The following UBE2E1 variants were observed in gnomAD, a reference collection of about 807,000 sequenced individuals.
UBE2E1 encodes the protein ubiquitin-conjugating enzyme E2 E1.
In UBE2E1, 6 loss-of-function variants were observed where a neutral mutation model predicts 21.4. That is an observed-to-expected ratio of 0.28 (90% CI 0.15 to 0.55). The LOEUF (loss-of-function observed/expected upper bound fraction) is 0.55. UBE2E1 is among the 20% of genes least tolerant of loss of function. The pLI is 0.93. For missense variants in UBE2E1, 142 were observed against 236.5 expected (o/e 0.60, Z 2.62); for synonymous variants, 87 against 82.7 (o/e 1.05, Z -0.28).
chr3:23,824,829 A>G (rs895002058), intron 3 of UBE2E1, among the ~76,000 whole-genome samples: 6 of 152,114 alleles, frequency 3.9e-5, no homozygotes, highest in African/African-American at 1.4e-4. Context: ...GAAAAAAAAA[A>G]TGGTTAGCCA....
At chr3:23,872,017 C>T (rs1700807447) in intron 3 of UBE2E1, among the ~76,000 whole-genome samples, 1 of 151,952 alleles carries the variant, frequency 6.6e-6, no homozygotes, top group Admixed American at 6.6e-5. Context: ...GAGGCCAAGG[C>T]AGGCGGGTGG....
chr3:23,885,395 A>G (rs967536469), intron 3 of UBE2E1, among the ~76,000 whole-genome samples: 1 of 152,232 alleles, frequency 6.6e-6, no homozygotes, highest in Admixed American at 6.5e-5. Context: ...AAATGAAGCA[A>G]TAATGGTAAT....
At chr3:23,881,775 C>T (rs1297939196) in intron 3 of UBE2E1, among the ~76,000 whole-genome samples, 1 of 152,186 alleles carries the variant, frequency 6.6e-6, no homozygotes, top group African/African-American at 2.4e-5. Context: ...TGAGTGTTAA[C>T]AGTTCTTAAA....
At chr3:23,814,763 C>T (rs138929250) in intron 3 of UBE2E1, among the ~76,000 whole-genome samples, 89 of 152,292 alleles carry the variant, frequency 5.8e-4, no homozygotes, top group African/African-American at 2.0e-3. Flanking sequence ...TATAACTAGC[C>T]TGTAGACACG....
chr3:23,883,254 C>T (rs1272917414), intron 3 of UBE2E1, among the ~76,000 whole-genome samples: 1 of 152,182 alleles, frequency 6.6e-6, no homozygotes, highest in African/African-American at 2.4e-5. Context: ...CCAAAAGTAT[C>T]TTCTGGAGGA....
At chr3:23,838,930 C>T (rs1700026970) in intron 3 of UBE2E1, among the ~76,000 whole-genome samples, 1 of 148,300 alleles carries the variant, frequency 6.7e-6, no homozygotes, top group Admixed American at 6.7e-5. Flanking sequence ...GTATTACCAG[C>T]TATAACTTTT....
rs1700361540 is a variant in UBE2E1 at position 23,853,100 on chromosome 3, T to A, written c.204-34467T>A. ...CCCAGCTAATTTTATTTTTTGTTGGTCAGGCTGGTCTCGAACTCCCAACCT... is the reference window on the plus strand; with the variant it reads ...CCCAGCTAATTTTATTTTTTGTTGGACAGGCTGGTCTCGAACTCCCAACCT... On this transcript the variant is annotated intron_variant, in intron 3 of 5. Transcript: ENST00000306627. The surrounding 1 kb of genome is among the most constrained non-coding windows in gnomAD (Gnocchi z 4.1). 6.6e-6 allele frequency among the ~76,000 whole-genome samples: 1 copy of A among 150,812 alleles called. No individual in the cohort carries two copies. Among genetic ancestry groups the A allele is most frequent in the Non-Finnish European group, 1.5e-5 (1 of 67,660 alleles).
chr3:23,838,018 A>G (rs913785705), intron 3 of UBE2E1, among the ~76,000 whole-genome samples: 1 of 151,426 alleles, frequency 6.6e-6, no homozygotes. Context: ...GATAGCTGGT[A>G]CAGGACTTTA....
intron 3 of UBE2E1, among the ~76,000 whole-genome samples, chr3:23,852,226 A>G (rs766061991): frequency 2.6e-5 from 4 of 152,216 alleles, no homozygotes; most frequent in South Asian, 2.1e-4. Context: ...TAGCAACACA[A>G]AATGGACTAA....
At chr3:23,860,829 A>G (rs756154781) in intron 3 of UBE2E1, among the ~76,000 whole-genome samples, 44 of 152,254 alleles carry the variant, frequency 2.9e-4, no homozygotes, top group Non-Finnish European at 4.1e-4. Flanking sequence ...ATTGCATATA[A>G]TAGTAAATGA....
At chr3:23,851,206 T>A (rs1282443928) in intron 3 of UBE2E1, among the ~76,000 whole-genome samples, 2 of 152,200 alleles carry the variant, frequency 1.3e-5, no homozygotes, top group Non-Finnish European at 2.9e-5. Flanking sequence ...TACCTGTAAA[T>A]GTAAGAGTTT....
chr3:23,842,712 A>C lies in UBE2E1; in HGVS notation c.203+31202A>C, dbSNP rs1700121659. 6.6e-6 allele frequency among the ~76,000 whole-genome samples: 1 copy of C among 152,178 alleles called. No homozygotes were observed. Among genetic ancestry groups the C allele is most frequent in the Admixed American group, 6.5e-5 (1 of 15,278 alleles). Reference sequence around the variant, plus strand: ...ACAAGTGCGCTATTCGGTTTTTAAAAATTTTAATTTTGGTTTTTGAAGTCA... The same window carrying C: ...ACAAGTGCGCTATTCGGTTTTTAAACATTTTAATTTTGGTTTTTGAAGTCA... On this transcript the variant is annotated intron_variant, in intron 3 of 5. Transcript: ENST00000306627. The surrounding 1 kb of genome is among the most constrained non-coding windows in gnomAD (Gnocchi z 4.6).
At chr3:23,817,496 AC>A (rs1699554767) in intron 3 of UBE2E1, among the ~76,000 whole-genome samples, 1 of 152,136 alleles carries the variant, frequency 6.6e-6, no homozygotes, top group South Asian at 2.1e-4. Flanking sequence ...AGATGTTAAG[AC>A]ATGCACACAC....
At chr3:23,825,435 G>T (rs943097078) in intron 3 of UBE2E1, among the ~76,000 whole-genome samples, 33 of 152,134 alleles carry the variant, frequency 2.2e-4, no homozygotes, top group African/African-American at 7.5e-4. Context: ...GTTGTGCCAG[G>T]TACTGAAGAT....
At chr3:23,825,398 C>T (rs1390677159) in intron 3 of UBE2E1, among the ~76,000 whole-genome samples, 2 of 152,242 alleles carry the variant, frequency 1.3e-5, no homozygotes, top group African/African-American at 2.4e-5. Context: ...TTTAGTCATT[C>T]GTTCTGATAT....
chr3:23,815,043 G>A (rs1002278370), intron 3 of UBE2E1, among the ~76,000 whole-genome samples: 2 of 152,090 alleles, frequency 1.3e-5, no homozygotes, highest in Non-Finnish European at 2.9e-5. Context: ...AGGCTGGAGT[G>A]CAGTGGTGCT....
At chr3:23,814,718 T>C (rs1343644575) in intron 3 of UBE2E1, among the ~76,000 whole-genome samples, 2 of 152,228 alleles carry the variant, frequency 1.3e-5, no homozygotes, top group African/African-American at 4.8e-5. Flanking sequence ...CTGTTATTTA[T>C]AGCCCAGGGC....
chr3:23,880,225 A>G (rs1164843120), intron 3 of UBE2E1, among the ~76,000 whole-genome samples: 2 of 152,222 alleles, frequency 1.3e-5, no homozygotes, highest in African/African-American at 4.8e-5. Context: ...TCTACTAAAA[A>G]TACAAAAATT....
In UBE2E1 at chr3:23,890,536, C is replaced by G. The variant is rs1420425132; in HGVS notation, c.512C>G (p.Thr171Ser). 1 of 1,613,234 alleles carries G rather than the reference C, an allele frequency of 6.2e-7. No individual in the cohort carries two copies. Among genetic ancestry groups the G allele is most frequent in the Non-Finnish European group, 8.5e-7 (1 of 1,179,668 alleles). Residue 171 changes from threonine (T) to serine (S), a missense_variant, in exon 6 of 6, where the codon ACT becomes AGT. Physicochemically the swap from Thr to Ser is moderately conservative, Grantham distance 58. This residue lies in a region of UBE2E1 where 87 missense variants were observed against 184.9 expected (regional missense o/e 0.47). Coordinates refer to ENST00000306627, the MANE Select transcript of UBE2E1 (RefSeq NM_003341.5). Reference sequence around the variant, plus strand: ...GACCCCTTGGTGGGAAGTATTGCCACTCAGTATATGACCAACAGAGCAGAA... The same window carrying G: ...GACCCCTTGGTGGGAAGTATTGCCAGTCAGTATATGACCAACAGAGCAGAA... The part of the protein sequence containing the change: ...PADPLVGSIA[T>S]QYMTNRAEHD...
Sources: gnomAD v4.1 joint callset for allele counts (sites outside exome capture counted in the v4.1 genomes callset) on GRCh38, gnomAD v4.1.1 for gene constraint, gnomAD v4.1.1 regional missense constraint, Gnocchi (gnomAD v3.1) non-coding constraint, MANE v1.5 for transcripts, NCBI Gene and HGNC (gene_info 2026-07-23, HGNC 2026-07-21) for gene names.